ADK: variants seen among roughly 807,000 people sequenced by gnomAD.
ADK encodes N6,N6-dimethyladenosine kinase.
Under a neutral mutation model 44.7 loss-of-function variants are expected in ADK, and 24 were observed. The observed-to-expected ratio is 0.54, with a 90% CI of 0.39 to 0.76. The LOEUF (loss-of-function observed/expected upper bound fraction) is 0.76. ADK is among the 30% of genes least tolerant of loss of function. ADK has a pLI of 0.00. For missense variants in ADK, 321 were observed against 425.1 expected (o/e 0.76, Z 2.15); for synonymous variants, 128 against 142.6 (o/e 0.90, Z 0.73).
rs145516633 is a variant in ADK, at chr10:74,503,862, A to G, written c.556-21394A>G. Among the ~76,000 whole-genome samples the G allele has an allele frequency of 4.9e-3, 740 of 152,184 alleles. 3 individuals are homozygous for G. The highest frequency in any genetic ancestry group is 0.01 in the Middle Eastern group (3 of 294). On this transcript the variant is annotated intron_variant, in intron 6 of 10. Transcript: ENST00000539909. Reference sequence around the variant, plus strand: ...GGCAATTTTTTACTCGCCATATTTTATCTCCAGGGCACCCAGCTGCCATCA... The same window carrying G: ...GGCAATTTTTTACTCGCCATATTTTGTCTCCAGGGCACCCAGCTGCCATCA...
At chr10:74,583,407 T>G (rs946801698) in intron 7 of ADK, among the ~76,000 whole-genome samples, 1 of 152,224 alleles carries the variant, frequency 6.6e-6, no homozygotes. Context: ...AAACTTCAAA[T>G]AAATTTCATG....
In ADK at chr10:74,308,848, A is replaced by G. The variant is rs147173992; in HGVS notation, c.195-5819A>G. Among the ~76,000 whole-genome samples, 931 of 152,152 alleles carry G rather than the reference A, an allele frequency of 6.1e-3. 7 individuals are homozygous for G. The highest frequency in any genetic ancestry group is 0.031 in the Middle Eastern group (9 of 294). On this transcript the variant is annotated intron_variant, in intron 3 of 10. Transcript: ENST00000539909. The stretch of plus-strand genomic sequence containing the variant: ...ATATGCTGAGCGCACACACACTCTC[A>G]TATGCTCACTCGCTCTCTCTCTCTC...
intron 6 of ADK, among the ~76,000 whole-genome samples, chr10:74,514,782 T>C (rs1294567246): frequency 6.6e-6 from 1 of 152,184 alleles, no homozygotes; most frequent in Non-Finnish European, 1.5e-5. Flanking sequence ...TGTTACTAGA[T>C]AATTATTGTT....
intron 3 of ADK, among the ~76,000 whole-genome samples, chr10:74,245,649 G>T (rs1278365247): frequency 2.0e-5 from 3 of 148,096 alleles, no homozygotes; most frequent in Admixed American, 1.4e-4. Context: ...GGAGTGCAGT[G>T]GCAGAATTTC....
chr10:74,674,303 C>G (rs1855301732), intron 10 of ADK, among the ~76,000 whole-genome samples: 2 of 152,172 alleles, frequency 1.3e-5, no homozygotes, highest in African/African-American at 2.4e-5. Context: ...CCTGCTCCCT[C>G]TCCACACCAG....
At chr10:74,426,561 G>A (rs1844804031) in intron 6 of ADK, among the ~76,000 whole-genome samples, 1 of 152,162 alleles carries the variant, frequency 6.6e-6, no homozygotes. Context: ...TGTTCAGGAA[G>A]GATAAAGCAG....
intron 6 of ADK, among the ~76,000 whole-genome samples, chr10:74,452,612 A>G (rs891636966): frequency 6.6e-6 from 1 of 151,756 alleles, no homozygotes; most frequent in Non-Finnish European, 1.5e-5. Context: ...TTGTTTTTTA[A>G]TTTATTTTTC....
At chr10:74,281,466 GC>G (rs1438841202) in intron 3 of ADK, among the ~76,000 whole-genome samples, 2 of 152,118 alleles carry the variant, frequency 1.3e-5, no homozygotes, top group African/African-American at 2.4e-5. Flanking sequence ...ATTGTTACTT[GC>G]AACTAGTGTA....
chr10:74,294,668 T>C (rs1248958567), intron 3 of ADK, among the ~76,000 whole-genome samples: 2 of 152,220 alleles, frequency 1.3e-5, no homozygotes, highest in Non-Finnish European at 2.9e-5. Flanking sequence ...AACAACTGTT[T>C]AGTTATACTG....
chr10:74,569,624 G>A (rs548679008), intron 7 of ADK, among the ~76,000 whole-genome samples: 15 of 152,220 alleles, frequency 9.9e-5, no homozygotes, highest in African/African-American at 3.4e-4. Context: ...TGATGAGGCT[G>A]TTTTTTTCTT....
intron 10 of ADK, among the ~76,000 whole-genome samples, chr10:74,678,968 T>C (rs1855502973): frequency 6.6e-6 from 1 of 152,208 alleles, no homozygotes; most frequent in African/African-American, 2.4e-5. Flanking sequence ...AAAACCTAGT[T>C]ACCTAAAATA....
At chr10:74,406,200 T>C (rs987523472) in intron 6 of ADK, among the ~76,000 whole-genome samples, 7 of 152,176 alleles carry the variant, frequency 4.6e-5, no homozygotes, top group Non-Finnish European at 1.5e-5. Context: ...AGTTTTGCTA[T>C]TGTTGTTTCA....
chr10:74,540,564 A>T (rs1849594386), intron 7 of ADK, among the ~76,000 whole-genome samples: 1 of 151,964 alleles, frequency 6.6e-6, no homozygotes, highest in South Asian at 2.1e-4. Context: ...GGTTCAAGCG[A>T]TTCTCAAGTC....
intron 6 of ADK, among the ~76,000 whole-genome samples, chr10:74,473,021 A>C (rs985988098): frequency 2.6e-5 from 4 of 151,882 alleles, no homozygotes; most frequent in African/African-American, 9.7e-5. Flanking sequence ...ATAGGGTCTC[A>C]CTCTGCCACC....
intron 6 of ADK, among the ~76,000 whole-genome samples, chr10:74,478,843 G>T (rs1406453427): frequency 6.6e-6 from 1 of 152,086 alleles, no homozygotes; most frequent in Non-Finnish European, 1.5e-5. Context: ...TACTTTGATG[G>T]GTTTGATTGC....
chr10:74,372,556 G>C, intron 4 of ADK: 1 of 313,116 alleles, frequency 3.2e-6, no homozygotes, highest in Non-Finnish European at 6.1e-6. Context: ...GGATTTTTGA[G>C]CAATATTAAT....
intron 7 of ADK, among the ~76,000 whole-genome samples, chr10:74,559,862 T>A (rs34740358): frequency 1.3e-5 from 2 of 151,974 alleles, no homozygotes; most frequent in Admixed American, 6.5e-5. Context: ...CATGTTGTTT[T>A]TTTTTTTCTT....
chr10:74,411,084 G>C (rs1345403556), intron 6 of ADK, among the ~76,000 whole-genome samples: 2 of 151,838 alleles, frequency 1.3e-5, no homozygotes, highest in Non-Finnish European at 2.9e-5. Flanking sequence ...CTGCATTTTT[G>C]CCTCAAATTT....
In ADK at chr10:74,708,983, CTTTA is replaced by C. The variant is rs1856699189; in HGVS notation, c.*539_*542del. The C allele has an allele frequency of 6.5e-6, 1 of 154,814 alleles. No individual in the cohort carries two copies. Among genetic ancestry groups the C allele is most frequent in the African/African-American group, 2.4e-5 (1 of 41,452 alleles). The allele number at this position is 154,814 out of a possible 1,614,324, so 9.6% of individuals were successfully genotyped here. A position where few individuals can be genotyped will look rare whatever the true frequency, so the allele number is the denominator to read the frequency against. ...TCTTGTCAATTATGCCAAATAATCT[CTTTA>C]ATGTGCACTCAAACATGTAATAAAC... On this transcript the variant is annotated 3_prime_UTR_variant, in exon 11 of 11. Coordinates refer to ENST00000539909, the MANE Select transcript of ADK (RefSeq NM_006721.4).
Sources: gnomAD v4.1 joint callset for allele counts (sites outside exome capture counted in the v4.1 genomes callset) on GRCh38, gnomAD v4.1.1 for gene constraint, MANE v1.5 for transcripts, NCBI Gene and HGNC (gene_info 2026-07-23, HGNC 2026-07-21) for gene names.